Variants in TMEM43 observed in about 807,000 individuals in gnomAD.
TMEM43 encodes the protein arrhythmogenic right ventricular dysplasia 5.
Under a neutral mutation model 49.6 loss-of-function variants are expected in TMEM43, and 45 were observed. The observed-to-expected ratio is 0.91, with a 90% CI of 0.71 to 1.16. The LOEUF (loss-of-function observed/expected upper bound fraction) is 1.16, where lower values mean the gene tolerates loss of function less well. Among genes scored for constraint, TMEM43 ranks in the 50% most tolerant of loss-of-function variants. The pLI, the probability that TMEM43 is intolerant of heterozygous loss-of-function variation, is 0.00. For missense variants in TMEM43, 532 were observed against 516.6 expected (o/e 1.03, Z -0.29); for synonymous variants, 199 against 207.8 (o/e 0.96, Z 0.36).
Position 14,141,706 on chromosome 3 carries a change from C to A in TMEM43, c.1114C>A (p.Arg372=). 1 of 1,614,194 alleles carries A rather than the reference C, an allele frequency of 6.2e-7. No individual in the cohort carries two copies. Among genetic ancestry groups the A allele is most frequent in the South Asian group, 1.1e-5 (1 of 91,078 alleles). The change falls in exon 12 of 12, where the codon CGA becomes AGA. Residue 372 remains arginine (R), a synonymous_variant. Transcript: ENST00000306077. ...CGTGGCGGCTGGCTGGCTCTTCTACCGACCCCTGTGGGCCCTCCTCATTGC... is the reference window on the plus strand; with the variant it reads ...CGTGGCGGCTGGCTGGCTCTTCTACAGACCCCTGTGGGCCCTCCTCATTGC... The part of the protein sequence containing the change: ...LTVAAGWLFY[R]PLWALLIAGL...
intron 5 of TMEM43, 105 bp downstream of exon 5, chr3:14,132,700 G>C (rs1695113590): frequency 6.9e-7 from 1 of 1,445,804 alleles, no homozygotes; most frequent in African/African-American, 1.4e-5. Context: ...TCAGCACCAG[G>C]CATCAGGATC....
intron 1 of TMEM43, among the ~76,000 whole-genome samples, chr3:14,127,654 G>A (rs186322123): frequency 6.6e-6 from 1 of 152,342 alleles, no homozygotes; most frequent in East Asian, 1.9e-4. Flanking sequence ...GGGCTGGCCT[G>A]TGATAGACCC....
At chr3:14,126,301 G>C (rs946473975) in intron 1 of TMEM43, among the ~76,000 whole-genome samples, 1 of 152,208 alleles carries the variant, frequency 6.6e-6, no homozygotes, top group African/African-American at 2.4e-5. Context: ...TCGGCCAGGC[G>C]AGAGGGCAGT....
At chr3:14,125,241 C>T (rs1009147604) in intron 1 of TMEM43, 36 bp downstream of exon 1, 2 of 1,594,096 alleles carry the variant, frequency 1.3e-6, no homozygotes. Flanking sequence ...CACACCCAGG[C>T]TTCCCCGTCG....
chr3:14,125,060 T>A lies in TMEM43; in HGVS notation c.-134T>A. On this transcript the variant is annotated 5_prime_UTR_variant, in exon 1 of 12. Transcript: ENST00000306077. ...CACAGGGGGAGGTAACTGCAGTAAGTCCCGCTTGGCCCTGGAGTCCACGCG... is the reference window on the plus strand; with the variant it reads ...CACAGGGGGAGGTAACTGCAGTAAGACCCGCTTGGCCCTGGAGTCCACGCG... 8.5e-7 allele frequency: 1 copy of A among 1,175,744 alleles called. No individual in the cohort carries two copies. 72.8% of individuals were successfully genotyped at this position (1,175,744 alleles called of 1,614,324 possible).
chr3:14,129,574 G>A lies in TMEM43; in HGVS notation c.162+13G>A. The stretch of plus-strand genomic sequence containing the variant: ...TTTCACCAATGAGGTAAAATGTCTG[G>A]GGTCTTCCTGTGCAGAGTGAGAGTC... On this transcript the variant is annotated intron_variant, in intron 2 of 11. Coordinates refer to ENST00000306077, the MANE Select transcript of TMEM43 (RefSeq NM_024334.3). 1 of 1,613,954 alleles carries A rather than the reference G, an allele frequency of 6.2e-7. No homozygotes were observed. Among genetic ancestry groups the A allele is most frequent in the Non-Finnish European group, 8.5e-7 (1 of 1,179,968 alleles).
At chr3:14,132,988 C>T in intron 6 of TMEM43, 53 bp downstream of exon 6, 2 of 1,422,998 alleles carry the variant, frequency 1.4e-6, no homozygotes, top group East Asian at 4.6e-5. Context: ...TGGCAGGTCT[C>T]CAGCCTCAGT....
chr3:14,134,327 G>A (rs868447492), intron 7 of TMEM43, among the ~76,000 whole-genome samples: 8 of 152,344 alleles, frequency 5.3e-5, no homozygotes, highest in African/African-American at 1.9e-4. Flanking sequence ...GACCCATGAA[G>A]GTGGGAGAGG....
At chr3:14,129,161 A>G in intron 1 of TMEM43, 1 of 409,456 alleles carries the variant, frequency 2.4e-6, no homozygotes. Flanking sequence ...GAGAATTGGC[A>G]GGAAAGGGGC....
At chr3:14,129,216 T>C in intron 1 of TMEM43, 196 bp from the exon 2 acceptor site, 1 of 510,478 alleles carries the variant, frequency 2.0e-6, no homozygotes, top group Non-Finnish European at 3.4e-6. Context: ...GTACCTTGCT[T>C]TAGATGTTGG....
At chr3:14,134,958 G>A in intron 8 of TMEM43, 67 bp downstream of exon 8, 1 of 1,609,368 alleles carries the variant, frequency 6.2e-7, no homozygotes, top group Non-Finnish European at 8.5e-7. Context: ...TCCTGCGCCA[G>A]GCAGATTCAG....
chr3:14,140,870 G>A (rs1695237471), intron 11 of TMEM43, among the ~76,000 whole-genome samples: 1 of 152,202 alleles, frequency 6.6e-6, no homozygotes, highest in African/African-American at 2.4e-5. Context: ...GGCATGGTGG[G>A]GCACCAGGGC....
intron 3 of TMEM43, 34 bp from the exon 4 acceptor site, chr3:14,131,546 T>C: frequency 6.3e-7 from 1 of 1,589,492 alleles, no homozygotes; most frequent in Non-Finnish European, 8.6e-7. Flanking sequence ...AATGTTATCC[T>C]TTATTTTTTT....
chr3:14,137,486 T>C (rs1423424072), intron 10 of TMEM43, among the ~76,000 whole-genome samples: 5 of 152,112 alleles, frequency 3.3e-5, no homozygotes, highest in African/African-American at 1.2e-4. Context: ...CTCCTGCTGC[T>C]TAGCAGCCCC....
In TMEM43 at chr3:14,143,471, G is replaced by A. The variant is rs138060213; in HGVS notation, c.*1676G>A. 6 of 152,194 alleles carry A rather than the reference G, an allele frequency of 3.9e-5. No homozygotes were observed. Among genetic ancestry groups the A allele is most frequent in the South Asian group, 2.1e-4 (1 of 4,824 alleles). 9.4% of individuals were successfully genotyped at this position (152,194 alleles called of 1,614,324 possible). On this transcript the variant is annotated 3_prime_UTR_variant, in exon 12 of 12. Transcript: ENST00000306077. ...CTCCAAACTCTTAAAGGATGCTTTC[G>A]GAAAACACGCTGTATACCTAGATGA...
chr3:14,143,492 G>T lies in TMEM43; in HGVS notation c.*1697G>T, dbSNP rs982049762. ...TTTCGGAAAACACGCTGTATACCTA[G>T]ATGATGACTAAATGCAAAATCCTTG... On this transcript the variant is annotated 3_prime_UTR_variant, in exon 12 of 12. Transcript: ENST00000306077. 2 of 152,344 alleles carry T rather than the reference G, an allele frequency of 1.3e-5. No homozygotes were observed. Among genetic ancestry groups the T allele is most frequent in the Middle Eastern group, 3.4e-3 (1 of 294 alleles). The allele number at this position is 152,344 out of a possible 1,614,324, so 9.4% of individuals were successfully genotyped here. A position where few individuals can be genotyped will look rare whatever the true frequency, so the allele number is the denominator to read the frequency against.
chr3:14,136,129 G>C (rs1695166824), intron 10 of TMEM43: 2 of 637,914 alleles, frequency 3.1e-6, no homozygotes, highest in Non-Finnish European at 5.8e-6. Flanking sequence ...TACATAATGA[G>C]ATCTCTTGGG....
chr3:14,139,126 C>T (rs1574941076), intron 10 of TMEM43, 54 bp from the exon 11 acceptor site: 1 of 1,336,332 alleles, frequency 7.5e-7, no homozygotes, highest in East Asian at 2.3e-5. Flanking sequence ...GCCCTGCCGA[C>T]TGGGTACGCC....
chr3:14,142,405 A>C lies in TMEM43; in HGVS notation c.*610A>C, dbSNP rs943202839. Reference sequence around the variant, plus strand: ...AAGATGTCCTGAGGAGAAAAGCTGGACATATACTGGGCTTCACACTTATCT... The same window carrying C: ...AAGATGTCCTGAGGAGAAAAGCTGGCCATATACTGGGCTTCACACTTATCT... On this transcript the variant is annotated 3_prime_UTR_variant, in exon 12 of 12. Transcript: ENST00000306077. 1 of 156,932 alleles carries C rather than the reference A, an allele frequency of 6.4e-6. No homozygotes were observed. The highest frequency in any genetic ancestry group is 1.9e-4 in the East Asian group (1 of 5,322). The allele number at this position is 156,932 out of a possible 1,614,324, so 9.7% of individuals were successfully genotyped here. A position where few individuals can be genotyped will look rare whatever the true frequency, so the allele number is the denominator to read the frequency against.
Sources: gnomAD v4.1 joint callset for allele counts (sites outside exome capture counted in the v4.1 genomes callset) on GRCh38, gnomAD v4.1.1 for gene constraint, MANE v1.5 for transcripts, NCBI Gene and HGNC (gene_info 2026-07-23, HGNC 2026-07-21) for gene names.